Variants in BRWD1 observed in about 807,000 individuals in gnomAD.
BRWD1 encodes the protein bromodomain and WD repeat-containing protein 1.
BRWD1 carries 82 observed loss-of-function variants against 251.2 expected under a neutral mutation model. That is an observed-to-expected ratio of 0.33 (90% CI 0.27 to 0.39). The LOEUF is 0.39. BRWD1 is among the 10% of genes least tolerant of loss of function. The pLI, the probability that BRWD1 is intolerant of heterozygous loss-of-function variation, is 1.00. For missense variants in BRWD1, 2,233 were observed against 2,711.6 expected (o/e 0.82, Z 3.92); for synonymous variants, 918 against 902.8 (o/e 1.02, Z -0.30).
chr21:39,217,154 G>A (rs1231880067), intron 31 of BRWD1: 2 of 143,880 alleles, frequency 1.4e-5, no homozygotes, highest in African/African-American at 2.6e-5. Context: ...GGAGTGTAGT[G>A]GCGTGATCTC....
chr21:39,192,807 T>C lies in BRWD1; in HGVS notation c.*3452A>G, dbSNP rs1046286. 3.1e-5 allele frequency: 31 copies of C among 985,206 alleles called. No individual in the cohort carries two copies. Among genetic ancestry groups the C allele is most frequent in the African/African-American group, 2.1e-4 (12 of 57,344 alleles). The allele number at this position is 985,206 out of a possible 1,614,324, so 61.0% of individuals were successfully genotyped here. A position where few individuals can be genotyped will look rare whatever the true frequency, so the allele number is the denominator to read the frequency against. ...ACAATGTTCTTGCATTCTACTGATA[T>C]ACAAACCTCTGGGGTTTCAGTTGGC... On this transcript the variant is annotated 3_prime_UTR_variant, in exon 41 of 41. Transcript: ENST00000342449.
chr21:39,219,175 C>CT (rs2033071082), intron 29 of BRWD1, among the ~76,000 whole-genome samples: 1 of 152,150 alleles, frequency 6.6e-6, no homozygotes, highest in Non-Finnish European at 1.5e-5. Flanking sequence ...AATCCTAGCA[C>CT]TTTCAGAGGC....
At chr21:39,244,035 C>T (rs574126439) in intron 21 of BRWD1, among the ~76,000 whole-genome samples, 4 of 152,106 alleles carry the variant, frequency 2.6e-5, no homozygotes, top group African/African-American at 9.6e-5. Context: ...ACTGATGCTT[C>T]GGTAAGGCAG....
At chr21:39,272,041 G>A (rs1245321442) in intron 13 of BRWD1, among the ~76,000 whole-genome samples, 1 of 147,544 alleles carries the variant, frequency 6.8e-6, no homozygotes, top group African/African-American at 2.5e-5. Context: ...TAGAATGAGT[G>A]TTATAAAACA....
intron 17 of BRWD1, among the ~76,000 whole-genome samples, chr21:39,262,029 T>C (rs1354331097): frequency 2.0e-5 from 3 of 152,220 alleles, no homozygotes; most frequent in Non-Finnish European, 2.9e-5. Context: ...GCTATATTAA[T>C]ATGAAATAAG....
Position 39,194,239 on chromosome 21 carries a change from G to A in BRWD1, c.*2020C>T. On this transcript the variant is annotated 3_prime_UTR_variant, in exon 41 of 41. Transcript: ENST00000342449. ...ATACCAAAAGAATGTATGTACTTAT[G>A]AATGTATTCCATATTTATTTATGGA... The A allele has an allele frequency of 1.0e-6, 1 of 985,714 alleles. No individual in the cohort carries two copies. The highest frequency in any genetic ancestry group is 1.2e-6 in the Non-Finnish European group (1 of 828,338). 61.1% of individuals were successfully genotyped at this position (985,714 alleles called of 1,614,324 possible).
At chr21:39,263,934 C>T (rs138947936) in intron 17 of BRWD1, among the ~76,000 whole-genome samples, 1 of 152,274 alleles carries the variant, frequency 6.6e-6, no homozygotes, top group Non-Finnish European at 1.5e-5. Flanking sequence ...GTCAAAAATG[C>T]ATAACCGGAA....
intron 17 of BRWD1, among the ~76,000 whole-genome samples, chr21:39,260,462 A>G (rs950623376): frequency 6.6e-6 from 1 of 152,194 alleles, no homozygotes; most frequent in Non-Finnish European, 1.5e-5. Flanking sequence ...CATAGCACAG[A>G]ACACTTAACT....
At chr21:39,253,553 G>A (rs1470443247) in intron 19 of BRWD1, among the ~76,000 whole-genome samples, 2 of 152,024 alleles carry the variant, frequency 1.3e-5, no homozygotes, top group East Asian at 1.9e-4. Context: ...ATAAGACTTA[G>A]ACGCCAATTT....
intron 8 of BRWD1, among the ~76,000 whole-genome samples, chr21:39,288,237 T>C (rs1021693619): frequency 3.3e-5 from 5 of 152,074 alleles, no homozygotes; most frequent in Middle Eastern, 3.2e-3. Context: ...TTAAAGAGAA[T>C]AAGACAAAAG....
At chr21:39,295,930 T>C in intron 6 of BRWD1, 27 bp from the exon 7 acceptor site, 1 of 1,526,084 alleles carries the variant, frequency 6.6e-7, no homozygotes, top group Non-Finnish European at 8.8e-7. Flanking sequence ...ATGAAAATGG[T>C]TAAGGGAGAG....
At position 39,191,335 on chromosome 21, in the gene BRWD1, T is replaced by G. The variant is rs114540030; in HGVS notation, c.*4924A>C. On this transcript the variant is annotated 3_prime_UTR_variant, in exon 41 of 41. Transcript: ENST00000342449. ...AAAGAAATTACCAGTGGAAAAGAGG[T>G]TGGGGAACCACTTGGGACAAGTCTG... is the stretch of plus-strand genomic sequence containing the variant. 1.0e-6 allele frequency: 1 copy of G among 985,170 alleles called. No homozygotes were observed. Among genetic ancestry groups the G allele is most frequent in the African/African-American group, 1.7e-5 (1 of 57,196 alleles). 61.0% of individuals were successfully genotyped at this position (985,170 alleles called of 1,614,324 possible). A position where few individuals can be genotyped will look rare whatever the true frequency, so the allele number is the denominator to read the frequency against.
intron 8 of BRWD1, among the ~76,000 whole-genome samples, chr21:39,286,137 C>T (rs949757357): frequency 6.6e-6 from 1 of 151,246 alleles, no homozygotes; most frequent in African/African-American, 2.4e-5. Flanking sequence ...GCCTCGGTCT[C>T]CCGAGTAGCT....
intron 8 of BRWD1, among the ~76,000 whole-genome samples, chr21:39,286,256 G>A (rs185751098): frequency 6.6e-6 from 1 of 152,106 alleles, no homozygotes. Flanking sequence ...CTGACCTCGT[G>A]ATCTGCCCGC....
intron 6 of BRWD1, 112 bp from the exon 7 acceptor site, chr21:39,296,015 C>CTA: frequency 1.1e-6 from 1 of 903,348 alleles, no homozygotes; most frequent in South Asian, 2.9e-5. Flanking sequence ...TCAAGAAGCC[C>CTA]TAATGACACA....
chr21:39,268,442 CAAAAA>C (rs35682732), intron 15 of BRWD1, among the ~76,000 whole-genome samples: 1 of 109,268 alleles, frequency 9.2e-6, no homozygotes, highest in African/African-American at 3.6e-5. Flanking sequence ...ACTCCATCTC[CAAAAA>C]AAAAAAAAAA....
At chr21:39,314,744 TA>T, upstream of BRWD1, 1 of 212,388 alleles carries the variant, frequency 4.7e-6, no homozygotes. Context: ...ACACACCACA[TA>T]GACGTTAAAT....
At chr21:39,272,313 A>AG (rs1568937722) in intron 13 of BRWD1, among the ~76,000 whole-genome samples, 1 of 149,748 alleles carries the variant, frequency 6.7e-6, no homozygotes, top group Admixed American at 6.6e-5. Flanking sequence ...AATAAATAAA[A>AG]AAAAAAAAAA....
chr21:39,202,756 A>G (rs1183153683), intron 37 of BRWD1, among the ~76,000 whole-genome samples: 1 of 152,214 alleles, frequency 6.6e-6, no homozygotes, highest in Non-Finnish European at 1.5e-5. Context: ...TGTTATTCAA[A>G]TTTGGAGTAA....
Sources: gnomAD v4.1 joint callset for allele counts (sites outside exome capture counted in the v4.1 genomes callset) on GRCh38, gnomAD v4.1.1 for gene constraint, MANE v1.5 for transcripts, NCBI Gene and HGNC (gene_info 2026-07-23, HGNC 2026-07-21) for gene names.